NOX1: variants seen among roughly 807,000 people sequenced by gnomAD.
NOX1 encodes NADH/NADPH mitogenic oxidase subunit P65-MOX.
In NOX1, 34 loss-of-function variants were observed where a neutral mutation model predicts 42.5. The ratio of observed to expected loss-of-function variants is 0.80; its 90% CI spans 0.61 to 1.07. NOX1 has a LOEUF of 1.07. NOX1 is among the 50% of genes least tolerant of loss of function. NOX1 has a pLI of 0.00. For synonymous variants in NOX1, 143 were observed against 152.5 expected, an observed-to-expected ratio of 0.94 and a Z score of 0.46; for missense variants, 408 against 427.0, an observed-to-expected ratio of 0.96 and a Z score of 0.39.
At chrX:100,868,366 A>G (rs1464655869) in intron 2 of NOX1, among the ~76,000 whole-genome samples, 1 of 112,207 alleles carries the variant, frequency 8.9e-6, no homozygotes, top group Non-Finnish European at 1.9e-5. Flanking sequence ...AAAATCCTCT[A>G]TCTGTTATTG....
At chrX:100,865,586 G>A (rs189887043) in intron 2 of NOX1, among the ~76,000 whole-genome samples, 1 of 112,612 alleles carries the variant, frequency 8.9e-6, no homozygotes, top group Non-Finnish European at 1.9e-5. Context: ...TTCCCAAGGT[G>A]AGCAGAGCAT....
At chrX:100,865,358 G>A (rs760225634) in intron 2 of NOX1, among the ~76,000 whole-genome samples, 1 of 112,733 alleles carries the variant, frequency 8.9e-6, no homozygotes, top group Non-Finnish European at 1.9e-5. Flanking sequence ...TTCTGTGGTG[G>A]CTATCTGTAT....
chrX:100,856,486 A>G (rs767968889), intron 7 of NOX1: 3 of 362,388 alleles, frequency 8.3e-6, no homozygotes, highest in African/African-American at 7.6e-5. Flanking sequence ...CTAGTCCGCT[A>G]ATACAGATCC....
intron 1 of NOX1, 39 bp downstream of exon 1, chrX:100,874,056 T>C (rs896071903): frequency 7.0e-6 from 7 of 994,390 alleles, no homozygotes; most frequent in Non-Finnish European, 9.9e-6. Flanking sequence ...GATTTCTCCT[T>C]AATCCTTCCT....
chrX:100,853,494 G>A (rs1417486317), intron 7 of NOX1, among the ~76,000 whole-genome samples: 1 of 91,415 alleles, frequency 1.1e-5, no homozygotes, highest in Middle Eastern at 6.0e-3. Flanking sequence ...CCCGCCTCCC[G>A]GGTTCAAGCA....
At chrX:100,847,986 G>A (rs1472026212) in intron 12 of NOX1, among the ~76,000 whole-genome samples, 1 of 110,402 alleles carries the variant, frequency 9.1e-6, no homozygotes, top group Admixed American at 9.7e-5. Context: ...ACTTTAAGTA[G>A]AGATTATTGA....
chrX:100,866,277 A>T (rs1260930382), intron 2 of NOX1, among the ~76,000 whole-genome samples: 2 of 110,908 alleles, frequency 1.8e-5, no homozygotes, highest in Non-Finnish European at 3.8e-5. Context: ...AGCAATTTCC[A>T]GCCAATATCT....
intron 4 of NOX1, among the ~76,000 whole-genome samples, 153 bp downstream of exon 4, chrX:100,863,006 G>C (rs1306746574): frequency 8.9e-6 from 1 of 112,375 alleles, no homozygotes; most frequent in Non-Finnish European, 1.9e-5. Context: ...CAAAGGAATA[G>C]AACTTAAGCT....
intron 1 of NOX1, among the ~76,000 whole-genome samples, chrX:100,873,114 A>G (rs950030804): frequency 4.5e-5 from 5 of 110,386 alleles, no homozygotes; most frequent in Non-Finnish European, 7.6e-5. Flanking sequence ...GGGACCCAAA[A>G]GCAAAACAGG....
chrX:100,859,713 T>A (rs1448918417), intron 7 of NOX1, among the ~76,000 whole-genome samples: 1 of 109,728 alleles, frequency 9.1e-6, no homozygotes, highest in African/African-American at 3.3e-5. Flanking sequence ...AGGTTGTTTT[T>A]TTTTTTAGTT....
intron 7 of NOX1, among the ~76,000 whole-genome samples, chrX:100,861,285 C>A (rs921187148): frequency 9.0e-6 from 1 of 111,246 alleles, no homozygotes; most frequent in Non-Finnish European, 1.9e-5. Flanking sequence ...TTCATTTATC[C>A]TTTTCCTGCT....
intron 1 of NOX1, among the ~76,000 whole-genome samples, 156 bp from the exon 2 acceptor site, chrX:100,870,970 T>C (rs769926702): frequency 8.9e-6 from 1 of 112,552 alleles, no homozygotes; most frequent in African/African-American, 3.2e-5. Context: ...AGTATCTAAC[T>C]GGCTTTCAGA....
At chrX:100,851,124 G>T in intron 8 of NOX1, 109 bp downstream of exon 8, 1 of 487,854 alleles carries the variant, frequency 2.0e-6, no homozygotes, top group South Asian at 3.7e-5. Flanking sequence ...ACCACCCACT[G>T]TGCCCAGTTT....
In NOX1 at chrX:100,855,324, A is replaced by G. The variant is rs566689634; in HGVS notation, c.805-3999T>C. 8.5e-6 allele frequency: 5 copies of G among 584,797 alleles called. No homozygotes were observed. In the South Asian group the frequency reaches 1.1e-4, roughly 13 times the overall value. 48.2% of individuals were successfully genotyped at this position (584,797 alleles called of 1,213,427 possible). A position where few individuals can be genotyped will look rare whatever the true frequency, so the allele number is the denominator to read the frequency against. On this transcript the variant is annotated intron_variant, in intron 7 of 12. Transcript: ENST00000372966. ...TGCCACTGCCATAGCTACTGCTGCTACTGGAACCGCCATAGCCACTGTGGT... is the reference window on the plus strand; with the variant it reads ...TGCCACTGCCATAGCTACTGCTGCTGCTGGAACCGCCATAGCCACTGTGGT...
At chrX:100,869,297 G>T (rs1235118352) in intron 2 of NOX1, among the ~76,000 whole-genome samples, 1 of 111,426 alleles carries the variant, frequency 9.0e-6, no homozygotes, top group Non-Finnish European at 1.9e-5. Context: ...CCATGAGTAT[G>T]GAATGTTCTT....
rs980426948 is a variant in NOX1 at position 100,873,039 on chromosome X, G to A, written c.45+1056C>T. 2.9e-5 allele frequency among the ~76,000 whole-genome samples: 3 copies of A among 101,999 alleles called. No homozygotes were observed. In the Admixed American group the frequency reaches 3.1e-4, roughly 10 times the overall value. The allele number at this position is 101,999 out of a possible 115,157, so 88.6% of individuals were successfully genotyped here. On this transcript the variant is annotated intron_variant, in intron 1 of 12. Coordinates refer to ENST00000372966, the MANE Select transcript of NOX1 (RefSeq NM_007052.5). ...ATATTTTTCCCTGGAGCACCTGGTC[G>A]GGGGGCGGGGGGGTAGACAGGAATA... is the stretch of plus-strand genomic sequence containing the variant.
In NOX1 at chrX:100,862,749, G is replaced by A. The variant is rs1448546543; in HGVS notation, c.409C>T (p.Leu137Phe). The A allele has an allele frequency of 1.6e-5, 19 of 1,199,751 alleles. No individual in the cohort carries two copies. The highest frequency in any genetic ancestry group is 2.1e-5 in the Non-Finnish European group (19 of 890,785). The part of the protein sequence containing the change: ...SRSRQATDGS[L>F]ASILSSLSHD... ...GATAGGCTGGAGAGAATGGAGGCAA[G>A]GGAGCCATCTGTGGCCTGTCGGCTT... The change falls in exon 5 of 13, where the codon CTT becomes TTT. Residue 137 changes from leucine to phenylalanine, a missense_variant. Physicochemically the swap from Leu to Phe is conservative, Grantham distance 22. Coordinates refer to ENST00000372966, the MANE Select transcript of NOX1 (RefSeq NM_007052.5).
intron 2 of NOX1, among the ~76,000 whole-genome samples, chrX:100,870,131 G>A (rs1330460802): frequency 9.4e-6 from 1 of 106,140 alleles, no homozygotes; most frequent in Non-Finnish European, 1.9e-5. Flanking sequence ...CTCTTTTTTG[G>A]TTGTGTCTCT....
chrX:100,860,343 GT>G (rs2085195602), intron 7 of NOX1, among the ~76,000 whole-genome samples: 1 of 112,072 alleles, frequency 8.9e-6, no homozygotes, highest in African/African-American at 3.2e-5. Context: ...TGGAAGTCGA[GT>G]TTTAAACCTT....
Sources: allele counts gnomAD v4.1 joint callset (sites outside exome capture counted in the v4.1 genomes callset), GRCh38; gene constraint gnomAD v4.1.1; transcripts MANE v1.5; gene names NCBI Gene and HGNC (gene_info 2026-07-23, HGNC 2026-07-21).